Variants in KCNIP4 observed in about 807,000 individuals in gnomAD.
KCNIP4 encodes the protein Kv channel-interacting protein 4.
Under a neutral mutation model 34.0 loss-of-function variants are expected in KCNIP4, and 12 were observed. The ratio of observed to expected loss-of-function variants is 0.35; its 90% CI spans 0.23 to 0.57. KCNIP4 has a LOEUF of 0.57. KCNIP4 is among the 20% of genes least tolerant of loss of function. The pLI is 0.83. For synonymous variants in KCNIP4, 124 were observed against 102.2 expected (o/e 1.21, Z -1.29); for missense variants, 238 against 311.7 (o/e 0.76, Z 1.78).
intron 1 of KCNIP4, among the ~76,000 whole-genome samples, chr4:21,519,796 TAC>T (rs544083218): frequency 3.0e-4 from 40 of 131,276 alleles, no homozygotes; most frequent in Non-Finnish European, 4.4e-4. Flanking sequence ...TGTGTGTGTA[TAC>T]ACGTGTGTGT....
chr4:21,214,664 A>T (rs1283204551), intron 1 of KCNIP4, among the ~76,000 whole-genome samples: 2 of 152,180 alleles, frequency 1.3e-5, no homozygotes, highest in Non-Finnish European at 2.9e-5. Context: ...GTTGATTTAA[A>T]ACTTGACTAT....
intron 1 of KCNIP4, among the ~76,000 whole-genome samples, chr4:21,617,810 G>A (rs1367299978): frequency 2.6e-5 from 4 of 152,176 alleles, no homozygotes; most frequent in Non-Finnish European, 5.9e-5. Flanking sequence ...CAGGCAAGAA[G>A]AGGAGATCTC....
At chr4:21,113,824 T>G (rs962223959) in intron 1 of KCNIP4, among the ~76,000 whole-genome samples, 1 of 152,210 alleles carries the variant, frequency 6.6e-6, no homozygotes, top group Non-Finnish European at 1.5e-5. Flanking sequence ...TTGCTAAGGT[T>G]CAGAGACATA....
At chr4:21,242,163 C>CAA (rs11436478) in intron 1 of KCNIP4, among the ~76,000 whole-genome samples, 1,774 of 55,236 alleles carry the variant, frequency 0.032, 121 homozygotes, top group African/African-American at 0.077. Flanking sequence ...AATTCTGTCT[C>CAA]AAAAAAAAAA....
chr4:20,998,690 T>G (rs1737791341), intron 1 of KCNIP4, among the ~76,000 whole-genome samples: 1 of 152,210 alleles, frequency 6.6e-6, no homozygotes, highest in Non-Finnish European at 1.5e-5. Context: ...AAGAAAACAC[T>G]TGTCTCTTCA....
In KCNIP4 at chr4:21,276,793, G is replaced by A. The variant is rs114942405; in HGVS notation, c.62-394084C>T. Among the ~76,000 whole-genome samples, 514 of 152,254 alleles carry A rather than the reference G, an allele frequency of 3.4e-3. 3 individuals are homozygous for A. Among genetic ancestry groups the A allele is most frequent in the African/African-American group, 0.011 (476 of 41,544 alleles). ...TTTTATGATATAGTTTTGGGCCAAT[G>A]AGGTGTAAACAGAGGTCTGCTAAGG... On this transcript the variant is annotated intron_variant, in intron 1 of 8. Coordinates refer to ENST00000382152, the MANE Select transcript of KCNIP4 (RefSeq NM_025221.6).
intron 1 of KCNIP4, among the ~76,000 whole-genome samples, chr4:21,702,285 T>C (rs1296599115): frequency 6.6e-6 from 1 of 152,088 alleles, no homozygotes; most frequent in African/African-American, 2.4e-5. Flanking sequence ...GGTGGTATCT[T>C]CCTCCTCTTA....
At chr4:21,213,133 A>T (rs1235883832) in intron 1 of KCNIP4, among the ~76,000 whole-genome samples, 1 of 152,138 alleles carries the variant, frequency 6.6e-6, no homozygotes, top group Non-Finnish European at 1.5e-5. Flanking sequence ...CTGTTTCTCC[A>T]CTGCGTCAGC....
At chr4:21,338,868 C>G (rs1022824076) in intron 1 of KCNIP4, among the ~76,000 whole-genome samples, 2 of 152,012 alleles carry the variant, frequency 1.3e-5, no homozygotes, top group African/African-American at 4.8e-5. Context: ...TTTGATGAAA[C>G]ACAAACTAAT....
intron 7 of KCNIP4, among the ~76,000 whole-genome samples, chr4:20,732,467 G>A (rs1247551556): frequency 1.3e-5 from 2 of 152,196 alleles, no homozygotes. Context: ...ACTGTTTAGT[G>A]TTGTATCTTG....
rs549689439 is a variant in KCNIP4, at chr4:21,042,727, G to A, written c.62-160018C>T. On this transcript the variant is annotated intron_variant, in intron 1 of 8. Transcript: ENST00000382152. ...GAAGAAATGATATATGATAAATGCC[G>A]ATCACTCTGATTTGATCGTGCACTA... Among the ~76,000 whole-genome samples, 3 of 152,170 alleles carry A rather than the reference G, an allele frequency of 2.0e-5. No homozygotes were observed. The South Asian group carries it at 6.2e-4, about 32-fold the overall frequency.
chr4:21,222,472 CAATTTTATAAATGTTAAGGT>C (rs1425207528), intron 1 of KCNIP4, among the ~76,000 whole-genome samples: 3 of 152,030 alleles, frequency 2.0e-5, no homozygotes, highest in Non-Finnish European at 2.9e-5. Flanking sequence ...AAATTTCTTT[CAATTTTATAAATGTTAAGGT>C]AATATCCTAT....
chr4:21,475,211 C>G (rs1730850296), intron 1 of KCNIP4, among the ~76,000 whole-genome samples: 1 of 152,046 alleles, frequency 6.6e-6, no homozygotes, highest in Admixed American at 6.6e-5. Flanking sequence ...ATATATATCT[C>G]TACTTTTATG....
chr4:20,802,555 C>CT (rs1714465442), intron 3 of KCNIP4, among the ~76,000 whole-genome samples: 1 of 152,146 alleles, frequency 6.6e-6, no homozygotes, highest in Middle Eastern at 3.4e-3. Context: ...GAATACACAA[C>CT]TTTTTTCACA....
chr4:21,223,057 TA>T (rs1758096176), intron 1 of KCNIP4, among the ~76,000 whole-genome samples: 1 of 152,202 alleles, frequency 6.6e-6, no homozygotes. Context: ...TTACCTTACA[TA>T]ATACAAATAA....
At chr4:21,575,891 A>C (rs1740710891) in intron 1 of KCNIP4, among the ~76,000 whole-genome samples, 1 of 152,200 alleles carries the variant, frequency 6.6e-6, no homozygotes, top group Admixed American at 6.5e-5. Context: ...CAATGCAGAC[A>C]ACCCTTAGAA....
At chr4:21,370,826 T>C (rs1342783871) in intron 1 of KCNIP4, among the ~76,000 whole-genome samples, 2 of 30,938 alleles carry the variant, frequency 6.5e-5, no homozygotes, top group African/African-American at 1.9e-4. Flanking sequence ...TATATATATA[T>C]ATATATATAT....
chr4:21,620,858 G>C (rs1398124535), intron 1 of KCNIP4, among the ~76,000 whole-genome samples: 2 of 152,160 alleles, frequency 1.3e-5, no homozygotes, highest in Non-Finnish European at 2.9e-5. Flanking sequence ...CTGATGCCCT[G>C]TCTTTCAGTA....
At chr4:21,714,389 C>G (rs7674414) in intron 1 of KCNIP4, among the ~76,000 whole-genome samples, 1 of 151,716 alleles carries the variant, frequency 6.6e-6, no homozygotes, top group Non-Finnish European at 1.5e-5. Flanking sequence ...TCTACAGCAT[C>G]GGCTACCTAG....
Sources: allele counts gnomAD v4.1 joint callset (sites outside exome capture counted in the v4.1 genomes callset), GRCh38; gene constraint gnomAD v4.1.1; transcripts MANE v1.5; gene names NCBI Gene and HGNC (gene_info 2026-07-23, HGNC 2026-07-21).